RGS6: variants seen among roughly 807,000 people sequenced by gnomAD.
RGS6 encodes regulator of G-protein signaling 6.
In RGS6, 30 loss-of-function variants were observed where a neutral mutation model predicts 78.5. That is an observed-to-expected ratio of 0.38 (90% CI 0.29 to 0.52). RGS6 has a LOEUF of 0.52. RGS6 is among the 20% of genes least tolerant of loss of function. The probability of loss-of-function intolerance (pLI) is 0.85; values close to 1 mark genes in which losing one functional copy is unlikely to be tolerated. For missense variants in RGS6, 495 were observed against 609.7 expected, an observed-to-expected ratio of 0.81 and a Z score of 1.98; for synonymous variants, 206 against 206.0, an observed-to-expected ratio of 1.00 and a Z score of 0.00.
chr14:72,092,806 C>T (rs552665733), intron 2 of RGS6, among the ~76,000 whole-genome samples: 196 of 152,302 alleles, frequency 1.3e-3, no homozygotes, highest in African/African-American at 4.4e-3. Flanking sequence ...CTATTATTAG[C>T]ACCTTAAAAT....
At chr14:72,303,737 G>A (rs1011709626) in intron 2 of RGS6, among the ~76,000 whole-genome samples, 5 of 152,034 alleles carry the variant, frequency 3.3e-5, no homozygotes, top group Non-Finnish European at 7.4e-5. Context: ...TTTGTGTTGT[G>A]TGTTTCAGCC....
At chr14:72,284,052 G>A (rs2062043914) in intron 2 of RGS6, among the ~76,000 whole-genome samples, 1 of 152,194 alleles carries the variant, frequency 6.6e-6, no homozygotes, top group Admixed American at 6.5e-5. Flanking sequence ...TTGAACTTGA[G>A]GGAGATGATT....
At chr14:72,249,982 T>C (rs1302594140) in intron 2 of RGS6, among the ~76,000 whole-genome samples, 2 of 150,176 alleles carry the variant, frequency 1.3e-5, no homozygotes, top group Admixed American at 1.3e-4. Context: ...CAGTAAGCTG[T>C]CGCAAGAACA....
chr14:72,382,827 G>A (rs1167384597), intron 3 of RGS6, among the ~76,000 whole-genome samples: 1 of 152,132 alleles, frequency 6.6e-6, no homozygotes, highest in African/African-American at 2.4e-5. Context: ...GATATCTCAT[G>A]ATCCCAATTA....
At chr14:72,094,166 G>A (rs911602703) in intron 2 of RGS6, among the ~76,000 whole-genome samples, 2 of 152,110 alleles carry the variant, frequency 1.3e-5, no homozygotes, top group Non-Finnish European at 2.9e-5. Flanking sequence ...TTTCTTTATC[G>A]AACAATGGAA....
intron 2 of RGS6, among the ~76,000 whole-genome samples, chr14:72,286,624 G>T (rs1383014491): frequency 2.0e-5 from 3 of 151,934 alleles, no homozygotes; most frequent in Non-Finnish European, 4.4e-5. Flanking sequence ...TAGCAATATT[G>T]TCTTCTAGTC....
At chr14:72,460,371 T>C (rs183675979) in intron 6 of RGS6, among the ~76,000 whole-genome samples, 1 of 152,356 alleles carries the variant, frequency 6.6e-6, no homozygotes, top group Admixed American at 6.5e-5. Flanking sequence ...CACTACCACA[T>C]TGTCTGAATG....
At chr14:72,103,581 G>A (rs973066369) in intron 2 of RGS6, among the ~76,000 whole-genome samples, 15 of 152,272 alleles carry the variant, frequency 9.9e-5, no homozygotes, top group Admixed American at 2.0e-4. Flanking sequence ...ATAATGGCAG[G>A]AAAGAAAACC....
At chr14:72,536,302 C>A in intron 16 of RGS6, 27 bp downstream of exon 16, 1 of 1,554,662 alleles carries the variant, frequency 6.4e-7, no homozygotes, top group South Asian at 1.1e-5. Context: ...CAGGCTTGCT[C>A]TTAGCACTGT....
intron 2 of RGS6, among the ~76,000 whole-genome samples, chr14:72,269,124 T>C (rs2059518178): frequency 1.5e-5 from 1 of 68,526 alleles, no homozygotes; most frequent in Non-Finnish European, 3.3e-5. Flanking sequence ...ACCCAGAATC[T>C]ATTACCTCCG....
intron 2 of RGS6, among the ~76,000 whole-genome samples, chr14:71,994,416 A>G (rs920816442): frequency 1.3e-5 from 2 of 152,082 alleles, no homozygotes; most frequent in African/African-American, 4.8e-5. Context: ...GATTCCTCGA[A>G]TACAGTGCTT....
At chr14:72,257,893 T>C (rs2057390330) in intron 2 of RGS6, among the ~76,000 whole-genome samples, 1 of 152,204 alleles carries the variant, frequency 6.6e-6, no homozygotes, top group Non-Finnish European at 1.5e-5. Context: ...TAAACAAGTT[T>C]AAAAACCACT....
At chr14:72,608,988 T>C in the RGS6 span, among the ~76,000 whole-genome samples, 3 of 152,222 alleles carry the variant, frequency 2.0e-5, no homozygotes, top group Non-Finnish European at 1.5e-5. Flanking sequence ...TCTCTACATT[T>C]GCAAGTGAGG....
At chr14:72,099,696 TTGA>T (rs1472839174) in intron 2 of RGS6, among the ~76,000 whole-genome samples, 1 of 152,194 alleles carries the variant, frequency 6.6e-6, no homozygotes, top group East Asian at 1.9e-4. Context: ...AGCTCTGCTG[TTGA>T]CCATGTAAGG....
chr14:71,935,752 G>A (rs1278503129), intron 1 of RGS6, among the ~76,000 whole-genome samples: 4 of 151,906 alleles, frequency 2.6e-5, no homozygotes, highest in African/African-American at 9.7e-5. Flanking sequence ...TCCCTAAAGG[G>A]CAAAAGGTAC....
intron 2 of RGS6, among the ~76,000 whole-genome samples, chr14:72,231,481 AACAG>A (rs71860577): frequency 0.11 from 17,492 of 152,178 alleles, 1,248 homozygotes; most frequent in East Asian, 0.33. Context: ...TGGCAAACAG[AACAG>A]ACAAAGTCTC....
intron 2 of RGS6, among the ~76,000 whole-genome samples, chr14:72,141,796 A>G (rs892953240): frequency 1.3e-5 from 2 of 152,058 alleles, no homozygotes; most frequent in Non-Finnish European, 2.9e-5. Flanking sequence ...TCTTAGGACC[A>G]TAAGATTCAT....
intron 3 of RGS6, among the ~76,000 whole-genome samples, chr14:72,383,327 A>G (rs2086835870): frequency 1.3e-5 from 2 of 151,776 alleles, no homozygotes; most frequent in Non-Finnish European, 2.9e-5. Flanking sequence ...ATTTACTTGC[A>G]GAAGATGAAT....
chr14:72,417,865 C>G (rs2093935621), intron 3 of RGS6, among the ~76,000 whole-genome samples: 1 of 152,204 alleles, frequency 6.6e-6, no homozygotes, highest in Non-Finnish European at 1.5e-5. Flanking sequence ...CAAGAAGCAA[C>G]TGGACCACAT....
Sources: allele counts gnomAD v4.1 joint callset (sites outside exome capture counted in the v4.1 genomes callset), GRCh38; gene constraint gnomAD v4.1.1; transcripts MANE v1.5; gene names NCBI Gene and HGNC (gene_info 2026-07-23, HGNC 2026-07-21).